ZC3HC1: variants seen among roughly 807,000 people sequenced by gnomAD.
ZC3HC1 encodes zinc finger C3HC-type containing 1.
A neutral mutation model predicts 61.9 loss-of-function variants in ZC3HC1; 38 were observed. The ratio of observed to expected loss-of-function variants is 0.61; its 90% CI spans 0.47 to 0.81. The LOEUF (loss-of-function observed/expected upper bound fraction) is 0.81. ZC3HC1 is among the 30% of genes least tolerant of loss of function. The probability of loss-of-function intolerance (pLI) is 0.00; values close to 1 mark genes in which losing one functional copy is unlikely to be tolerated. For missense variants in ZC3HC1, 554 were observed against 622.7 expected (o/e 0.89, Z 1.17); for synonymous variants, 213 against 229.9 (o/e 0.93, Z 0.67).
In ZC3HC1 at chr7:130,050,246, T is replaced by G. The variant is rs1795025190; in HGVS notation, c.146+975A>C. Among the ~76,000 whole-genome samples the G allele has an allele frequency of 4.0e-5, 6 of 151,884 alleles. No homozygotes were observed. The South Asian group carries it at 1.2e-3, about 32-fold the overall frequency. On this transcript the variant is annotated intron_variant, in intron 1 of 9. Transcript: ENST00000358303. ...GCGCGGGCCACCACGCCCGGCTAAT[T>G]TTTTGTATTTTTAGTAGAGATGGGG...
At chr7:130,019,481 G>A (rs564241389) in intron 9 of ZC3HC1, among the ~76,000 whole-genome samples, 1 of 152,306 alleles carries the variant, frequency 6.6e-6, no homozygotes, top group South Asian at 2.1e-4. Context: ...AAACAGAGTT[G>A]AATGACCCCT....
rs1237038664 is a variant in ZC3HC1, at chr7:130,019,821, T to C, written c.1441-1089A>G. ...GACGCTTTCACAGGTTTTTTTTTTT[T>C]TTTTTTTTTTTTTTGAGACAGGTCT... On this transcript the variant is annotated intron_variant, in intron 9 of 9. Coordinates refer to ENST00000358303, the MANE Select transcript of ZC3HC1 (RefSeq NM_016478.5). Among the ~76,000 whole-genome samples the C allele has an allele frequency of 2.1e-5, 3 of 142,902 alleles. No homozygotes were observed. The Admixed American group carries it at 2.1e-4, about 10-fold the overall frequency. 93.7% of individuals were successfully genotyped at this position (142,902 alleles called of 152,430 possible).
rs1463814432 is a variant in ZC3HC1, at chr7:130,024,897, T to A, written c.777-391A>T. Among the ~76,000 whole-genome samples, 11 of 17,924 alleles carry A rather than the reference T, an allele frequency of 6.1e-4. No homozygotes were observed. The East Asian group carries it at 0.035, about 57-fold the overall frequency. 11.8% of individuals were successfully genotyped at this position (17,924 alleles called of 152,430 possible). ...ACAAAAAGTTTCTCCTGTCCCTCTTTTTTTTTTTTTTTTTTTTTTTTTTTT... is the reference window on the plus strand; with the variant it reads ...ACAAAAAGTTTCTCCTGTCCCTCTTATTTTTTTTTTTTTTTTTTTTTTTTT... On this transcript the variant is annotated intron_variant, in intron 6 of 9. Coordinates refer to ENST00000358303, the MANE Select transcript of ZC3HC1 (RefSeq NM_016478.5).
Position 130,026,148 on chromosome 7 carries a change from G to A in ZC3HC1, c.776+10C>T, listed in dbSNP as rs766197196. ...TGGTTCATGTCTCCAGGCAAAATCT[G>A]CTGACTCACCTACACGCCCAGCCAC... On this transcript the variant is annotated intron_variant, in intron 6 of 9. Coordinates refer to ENST00000358303, the MANE Select transcript of ZC3HC1 (RefSeq NM_016478.5). The A allele has an allele frequency of 2.2e-5, 35 of 1,610,076 alleles. No homozygotes were observed. The highest frequency in any genetic ancestry group is 3.0e-5 in the Non-Finnish European group (35 of 1,177,084).
chr7:130,029,112 T>C, intron 4 of ZC3HC1, 83 bp from the exon 5 acceptor site: 5 of 1,445,932 alleles, frequency 3.5e-6, no homozygotes. Context: ...GGCTCATACC[T>C]GTAATCCCAG....
intron 1 of ZC3HC1, among the ~76,000 whole-genome samples, chr7:130,049,925 C>CA (rs5887460): frequency 0.6 from 88,301 of 147,450 alleles, 27,516 homozygotes; most frequent in East Asian, 0.99. Flanking sequence ...CCACTCCTTC[C>CA]AAAAAAAAAA....
At chr7:130,040,861 A>G in intron 3 of ZC3HC1, 90 bp downstream of exon 3, 1 of 1,375,234 alleles carries the variant, frequency 7.3e-7, no homozygotes. Context: ...TTTTTTGATC[A>G]AACTAAAATG....
At chr7:130,032,783 AGG>A (rs1794271342) in intron 4 of ZC3HC1, among the ~76,000 whole-genome samples, 3 of 74,258 alleles carry the variant, frequency 4.0e-5, no homozygotes, top group Middle Eastern at 9.3e-3. Context: ...GAAGGGAGGG[AGG>A]GGAGGGAAGG....
At chr7:130,040,841 G>T in intron 3 of ZC3HC1, 110 bp downstream of exon 3, 111 of 1,003,818 alleles carry the variant, frequency 1.1e-4, no homozygotes, top group Non-Finnish European at 1.4e-4. Flanking sequence ...AAAAAAGATT[G>T]AAGTACGCAT....
intron 9 of ZC3HC1, among the ~76,000 whole-genome samples, chr7:130,019,793 T>A (rs558810607): frequency 1.3e-5 from 2 of 149,864 alleles, no homozygotes; most frequent in South Asian, 4.2e-4. Context: ...CAGTTTCTCA[T>A]ATGACGCTTT....
chr7:130,040,686 G>A (rs2116747596), intron 3 of ZC3HC1, among the ~76,000 whole-genome samples: 1 of 151,220 alleles, frequency 6.6e-6, no homozygotes, highest in Admixed American at 6.6e-5. Flanking sequence ...CACTGCGCCT[G>A]TAGTCCCAGC....
At chr7:130,022,187 A>G (rs1279030744) in intron 9 of ZC3HC1, 132 bp downstream of exon 9, 1 of 1,214,540 alleles carries the variant, frequency 8.2e-7, no homozygotes, top group Non-Finnish European at 1.2e-6. Flanking sequence ...ACAAACAAAC[A>G]AACAAAAAAA....
At chr7:130,048,155 T>G (rs930330322) in intron 2 of ZC3HC1, among the ~76,000 whole-genome samples, 2 of 145,544 alleles carry the variant, frequency 1.4e-5, no homozygotes, top group East Asian at 2.0e-4. Flanking sequence ...TTTTTTTTTT[T>G]TTTTTTTTTT....
chr7:130,023,483 G>C lies in ZC3HC1; in HGVS notation c.1233+28C>G, dbSNP rs1209496711. ...GGGCCCAATATGCTGTTTATGCTCA[G>C]CCACTGCTACATGCGAGGTGGACTC... On this transcript the variant is annotated intron_variant, in intron 8 of 9. Coordinates refer to ENST00000358303, the MANE Select transcript of ZC3HC1 (RefSeq NM_016478.5). The surrounding 1 kb of genome is among the most constrained non-coding windows in gnomAD (Gnocchi z 4.2). The C allele has an allele frequency of 6.2e-7, 1 of 1,610,826 alleles. No individual in the cohort carries two copies. Among genetic ancestry groups the C allele is most frequent in the Non-Finnish European group, 8.5e-7 (1 of 1,178,118 alleles).
At position 130,041,008 on chromosome 7, in the gene ZC3HC1, A is replaced by G. The variant is rs1316696016; in HGVS notation, c.352T>C (p.Ser118Pro). ...GCACAGAGAAAAGCTTGACAGCTAG[A>G]GCACTTGAGCATATCACATTCCACT... ...VTVECDMLKC[S>P]SCQAFLCASL... Residue 118 changes from serine (S) to proline (P), a missense_variant, in exon 3 of 10, where the codon TCT becomes CCT. By Grantham distance (74) the Ser-to-Pro change is moderately conservative. Coordinates refer to ENST00000358303, the MANE Select transcript of ZC3HC1 (RefSeq NM_016478.5). 6.2e-7 allele frequency: 1 copy of G among 1,614,056 alleles called. No individual in the cohort carries two copies. The highest frequency in any genetic ancestry group is 1.1e-5 in the South Asian group (1 of 91,062).
Position 130,022,317 on chromosome 7 carries a change from A to G in ZC3HC1, c.1440+2T>C. The G allele has an allele frequency of 1.2e-6, 2 of 1,614,054 alleles. No homozygotes were observed. The highest frequency in any genetic ancestry group is 1.7e-6 in the Non-Finnish European group (2 of 1,180,018). On this transcript the variant is annotated splice_donor_variant, in intron 9 of 9. Coordinates refer to ENST00000358303, the MANE Select transcript of ZC3HC1 (RefSeq NM_016478.5). LOFTEE classifies it high-confidence loss of function. ...CACACACAAGGCAGTGGCGTATCTC[A>G]CCATGGAGTCCGTTTCAGCTGGCTG...
chr7:130,044,061 C>T (rs1192784681), intron 2 of ZC3HC1, among the ~76,000 whole-genome samples: 1 of 152,024 alleles, frequency 6.6e-6, no homozygotes, highest in Non-Finnish European at 1.5e-5. Context: ...TGTGTGTATA[C>T]ATGTGAATGT....
intron 9 of ZC3HC1, among the ~76,000 whole-genome samples, chr7:130,019,494 G>A (rs1793535462): frequency 6.6e-6 from 1 of 152,184 alleles, no homozygotes; most frequent in Admixed American, 6.5e-5. Context: ...TGACCCCTAT[G>A]AGTTTAAGCT....
At chr7:130,049,910 C>G (rs2140873) in intron 1 of ZC3HC1, among the ~76,000 whole-genome samples, 114,000 of 150,828 alleles carry the variant, frequency 0.76, 43,242 homozygotes, top group East Asian at 1. Flanking sequence ...AGGGACCTTT[C>G]ATACCCACTC....
Sources: allele counts gnomAD v4.1 joint callset (sites outside exome capture counted in the v4.1 genomes callset), GRCh38; gene constraint gnomAD v4.1.1; non-coding constraint Gnocchi (gnomAD v3.1); transcripts MANE v1.5; gene names NCBI Gene and HGNC (gene_info 2026-07-23, HGNC 2026-07-21).